The following RPS6KA3 variants were observed in gnomAD, a reference collection of about 807,000 sequenced individuals.
The protein encoded by RPS6KA3 is ribosomal protein S6 kinase alpha-3.
A neutral mutation model predicts 67.2 loss-of-function variants in RPS6KA3; 4 were observed. The observed-to-expected ratio is 0.06, with a 90% CI of 0.03 to 0.14. The LOEUF (loss-of-function observed/expected upper bound fraction) is 0.14, where lower values mean the gene tolerates loss of function less well. RPS6KA3 is among the 10% of genes least tolerant of loss of function. The pLI, the probability that RPS6KA3 is intolerant of heterozygous loss-of-function variation, is 1.00. For missense variants in RPS6KA3, 204 were observed against 559.0 expected (o/e 0.36, Z 6.40); for synonymous variants, 182 against 183.7 (o/e 0.99, Z 0.07).
chrX:20,161,679 CACT>C lies in RPS6KA3; in HGVS notation c.1921_1923del (p.Ser641del), dbSNP rs757058420. ...TCTGAAACAGAATTCCAGTAACCACCACTGAGTGAGAATTTTCCGCTACCTATT... is the reference window on the plus strand; with the variant it reads ...TCTGAAACAGAATTCCAGTAACCACCGAGTGAGAATTTTCCGCTACCTATT... On this transcript the variant is annotated inframe_deletion, in exon 20 of 22. Transcript: ENST00000379565. 8.6e-7 allele frequency: 1 copy of C among 1,166,242 alleles called. No individual in the cohort carries two copies. The highest frequency in any genetic ancestry group is 1.2e-6 in the Non-Finnish European group (1 of 863,299).
chrX:20,252,948 G>A (rs1008203183), intron 1 of RPS6KA3, among the ~76,000 whole-genome samples: 3 of 110,924 alleles, frequency 2.7e-5, no homozygotes, highest in African/African-American at 9.9e-5. Context: ...GATTAGCCCT[G>A]GCTCACGTCA....
chrX:20,223,674 A>C (rs751364553), intron 2 of RPS6KA3, among the ~76,000 whole-genome samples: 1 of 112,126 alleles, frequency 8.9e-6, no homozygotes, highest in Non-Finnish European at 1.9e-5. Flanking sequence ...ACTCACAGCC[A>C]ATCTTGTTTC....
chrX:20,212,920 T>C (rs2068754562), intron 2 of RPS6KA3, among the ~76,000 whole-genome samples: 1 of 111,788 alleles, frequency 8.9e-6, no homozygotes, highest in Admixed American at 9.5e-5. Context: ...TGAAACTAGA[T>C]TGGTTACTCA....
chrX:20,204,179 A>G (rs372708842), intron 3 of RPS6KA3, 76 bp from the exon 4 acceptor site: 1 of 610,973 alleles, frequency 1.6e-6, no homozygotes, highest in African/African-American at 2.3e-5. Flanking sequence ...ACCCTGCTAT[A>G]ATACAGTTTA....
intron 1 of RPS6KA3, among the ~76,000 whole-genome samples, chrX:20,235,019 C>T (rs2069372256): frequency 9.0e-6 from 1 of 111,711 alleles, no homozygotes. Flanking sequence ...ACTATAAAAA[C>T]ATTTTTTCAT....
intron 18 of RPS6KA3, among the ~76,000 whole-genome samples, chrX:20,164,083 C>A (rs2067372600): frequency 9.0e-6 from 1 of 111,585 alleles, no homozygotes; most frequent in African/African-American, 3.3e-5. Flanking sequence ...CTGAGGAGTT[C>A]AAGGCTGCAG....
Position 20,197,631 on chromosome X carries a change from G to A in RPS6KA3, c.326-2486C>T, listed in dbSNP as rs192722838. 9.3e-4 allele frequency among the ~76,000 whole-genome samples: 104 copies of A among 111,876 alleles called. 1 individual carries two copies. The highest frequency in any genetic ancestry group is 3.1e-3 in the African/African-American group (96 of 30,824). ...AACATTGATGAGACCTTGTTTAACT[G>A]AAAATGAGCAGTGAGAGTCCTTCTC... On this transcript the variant is annotated intron_variant, in intron 4 of 21. Transcript: ENST00000379565.
intron 1 of RPS6KA3, among the ~76,000 whole-genome samples, chrX:20,259,828 C>T (rs1320585603): frequency 9.0e-6 from 1 of 111,616 alleles, no homozygotes; most frequent in Non-Finnish European, 1.9e-5. Flanking sequence ...CCCCAACTTA[C>T]TTGATTATGC....
rs1331785540 is a variant in RPS6KA3 at position 20,156,187 on chromosome X, G to A, written c.2022C>T (p.Leu674=). Residue 674 remains leucine, a synonymous_variant, in exon 21 of 22, where the codon CTC becomes CTT. Transcript: ENST00000379565. ...PHQRLTAALV[L]RHPWIVHWDQ... is the part of the protein sequence containing the mutation. The stretch of plus-strand genomic sequence containing the variant: ...CCCAGTGGACGATCCAAGGATGTCT[G>A]AGCACAAGAGCAGCAGTCAGTCTCT... The A allele has an allele frequency of 2.8e-5, 34 of 1,207,326 alleles. No individual in the cohort carries two copies. Among genetic ancestry groups the A allele is most frequent in the Non-Finnish European group, 3.6e-5 (32 of 892,801 alleles).
chrX:20,194,169 A>C lies in RPS6KA3; in HGVS notation c.486+20T>G, dbSNP rs770626885. ...ACAGGATGCATGTAAATAGACTAAA[A>C]ATAGAGATTAATTATATACCTCTTT... On this transcript the variant is annotated intron_variant, in intron 6 of 21. Coordinates refer to ENST00000379565, the MANE Select transcript of RPS6KA3 (RefSeq NM_004586.3). The C allele has an allele frequency of 2.9e-6, 3 of 1,020,481 alleles. No individual in the cohort carries two copies. In the African/African-American group the frequency reaches 5.6e-5, roughly 19 times the overall value. The allele number at this position is 1,020,481 out of a possible 1,213,427, so 84.1% of individuals were successfully genotyped here.
chrX:20,227,644 G>A (rs770439188), intron 2 of RPS6KA3, among the ~76,000 whole-genome samples: 1 of 110,100 alleles, frequency 9.1e-6, no homozygotes, highest in Admixed American at 9.7e-5. Context: ...TCAGAGGGAC[G>A]TTGTAATCTG....
At chrX:20,252,927 G>A (rs1049372558) in intron 1 of RPS6KA3, among the ~76,000 whole-genome samples, 9 of 110,766 alleles carry the variant, frequency 8.1e-5, no homozygotes, top group African/African-American at 3.0e-4. Flanking sequence ...GTAAGGTGAG[G>A]GTAGAGTATG....
chrX:20,223,951 T>C (rs2069048113), intron 2 of RPS6KA3, among the ~76,000 whole-genome samples: 1 of 111,929 alleles, frequency 8.9e-6, no homozygotes. Context: ...TCTAGTTTCC[T>C]TCACTGAGTC....
At chrX:20,162,936 G>T (rs1038730202) in intron 19 of RPS6KA3, 28 bp downstream of exon 19, 1 of 936,276 alleles carries the variant, frequency 1.1e-6, no homozygotes, top group African/African-American at 1.9e-5. Context: ...AAATGCTTAG[G>T]TGCTTAGAAC....
chrX:20,264,448 C>T (rs962553684), intron 1 of RPS6KA3, among the ~76,000 whole-genome samples: 5 of 112,207 alleles, frequency 4.5e-5, no homozygotes, highest in Admixed American at 9.4e-5. Context: ...TGATATAAAA[C>T]GAAGCACATG....
intron 10 of RPS6KA3, among the ~76,000 whole-genome samples, chrX:20,180,857 C>A (rs968987255): frequency 8.9e-6 from 1 of 112,012 alleles, no homozygotes; most frequent in Admixed American, 9.5e-5. Context: ...CAAGATAAAT[C>A]CAGAAAGCAG....
chrX:20,203,965 T>G (rs1603427622), intron 4 of RPS6KA3, 57 bp downstream of exon 4: 1 of 879,527 alleles, frequency 1.1e-6, no homozygotes, highest in East Asian at 3.1e-5. Context: ...TGAGCTCTAT[T>G]GAGACCTTTC....
chrX:20,180,778 C>G (rs1414342548), intron 10 of RPS6KA3, among the ~76,000 whole-genome samples: 1 of 112,247 alleles, frequency 8.9e-6, no homozygotes, highest in South Asian at 3.7e-4. Context: ...TCTAGCCTTA[C>G]CATAGCAAAG....
chrX:20,168,039 G>A (rs1409915951), intron 16 of RPS6KA3, among the ~76,000 whole-genome samples: 2 of 111,769 alleles, frequency 1.8e-5, no homozygotes, highest in Non-Finnish European at 3.8e-5. Context: ...GTAGAGACGA[G>A]CTTTTGCTGT....
Sources: gnomAD v4.1 joint callset for allele counts (sites outside exome capture counted in the v4.1 genomes callset) on GRCh38, gnomAD v4.1.1 for gene constraint, MANE v1.5 for transcripts, NCBI Gene and HGNC (gene_info 2026-07-23, HGNC 2026-07-21) for gene names.